Variants in TIAM1 observed in about 807,000 individuals in gnomAD.
The protein encoded by TIAM1 is rho guanine nucleotide exchange factor TIAM1.
In TIAM1, 65 loss-of-function variants were observed where a neutral mutation model predicts 163.5. The observed-to-expected ratio is 0.40, with a 90% CI of 0.33 to 0.49. The LOEUF (loss-of-function observed/expected upper bound fraction) is 0.49. Ranked by LOEUF, TIAM1 falls within the 20% of genes least tolerant of loss-of-function variation. The probability of loss-of-function intolerance (pLI) is 0.77; values close to 1 mark genes in which losing one functional copy is unlikely to be tolerated. For missense variants in TIAM1, 1,789 were observed against 2,044.7 expected, an observed-to-expected ratio of 0.87 and a Z score of 2.41; for synonymous variants, 833 against 810.1, an observed-to-expected ratio of 1.03 and a Z score of -0.48.
intron 15 of TIAM1, among the ~76,000 whole-genome samples, chr21:31,166,947 C>A (rs549629935): frequency 4.6e-5 from 7 of 152,296 alleles, no homozygotes; most frequent in African/African-American, 1.7e-4. Context: ...ACACTGTGGT[C>A]TGCAGAATCA....
At chr21:31,489,580 C>G (rs767369914) in intron 1 of TIAM1, among the ~76,000 whole-genome samples, 25 of 151,842 alleles carry the variant, frequency 1.6e-4, no homozygotes, top group Non-Finnish European at 2.5e-4. Flanking sequence ...GACCCCCCCC[C>G]CCTTGGCAGA....
chr21:31,368,758 A>AG (rs2076541478), intron 2 of TIAM1, among the ~76,000 whole-genome samples: 1 of 152,202 alleles, frequency 6.6e-6, no homozygotes, highest in Non-Finnish European at 1.5e-5. Flanking sequence ...GAGTAGCAGC[A>AG]GGGGGAAATA....
At chr21:31,275,756 C>A (rs1368888534) in intron 3 of TIAM1, among the ~76,000 whole-genome samples, 1 of 152,144 alleles carries the variant, frequency 6.6e-6, no homozygotes, top group Non-Finnish European at 1.5e-5. Flanking sequence ...ATACATAAAA[C>A]CTTAGATCTC....
intron 2 of TIAM1, among the ~76,000 whole-genome samples, chr21:31,420,626 G>A (rs1269728933): frequency 6.6e-6 from 1 of 152,172 alleles, no homozygotes; most frequent in Non-Finnish European, 1.5e-5. Context: ...GTTAGTGTTG[G>A]ATGTGGTTTT....
At chr21:31,321,143 G>A (rs988271189) in intron 2 of TIAM1, among the ~76,000 whole-genome samples, 19 of 151,928 alleles carry the variant, frequency 1.3e-4, no homozygotes, top group Non-Finnish European at 2.2e-4. Flanking sequence ...CAGAAAGAAG[G>A]GGGCGGGGGG....
intron 3 of TIAM1, among the ~76,000 whole-genome samples, chr21:31,267,590 G>C (rs550800460): frequency 2.0e-4 from 30 of 148,224 alleles, no homozygotes; most frequent in South Asian, 1.1e-3. Context: ...AAACCTCAAG[G>C]TGTAAGTCTG....
intron 13 of TIAM1, among the ~76,000 whole-genome samples, chr21:31,190,151 T>C (rs2146473827): frequency 6.6e-6 from 1 of 152,220 alleles, no homozygotes; most frequent in East Asian, 1.9e-4. Context: ...ATGCCTATAA[T>C]CCCAGCACTC....
intron 2 of TIAM1, among the ~76,000 whole-genome samples, chr21:31,396,054 CTT>C (rs1389709720): frequency 6.6e-6 from 1 of 152,156 alleles, no homozygotes; most frequent in East Asian, 1.9e-4. Flanking sequence ...TAGAGGAAGT[CTT>C]ATAATTACAG....
chr21:31,129,371 A>G (rs2833288), intron 25 of TIAM1, among the ~76,000 whole-genome samples: 5 of 152,200 alleles, frequency 3.3e-5, no homozygotes, highest in African/African-American at 1.2e-4. Context: ...TGCTATGTGG[A>G]TCACAGAAAA....
At chr21:31,155,043 C>G (rs549089208) in intron 16 of TIAM1, among the ~76,000 whole-genome samples, 2 of 152,276 alleles carry the variant, frequency 1.3e-5, no homozygotes, top group East Asian at 3.9e-4. Flanking sequence ...TCTCCAAAGG[C>G]AAAAAGATAC....
At chr21:31,164,576 G>A (rs1054309891) in intron 16 of TIAM1, among the ~76,000 whole-genome samples, 6 of 152,078 alleles carry the variant, frequency 3.9e-5, no homozygotes, top group Admixed American at 6.5e-5. Context: ...TTCAAAAGGA[G>A]TTCATTACAG....
chr21:31,312,603 T>C (rs1222852014), intron 2 of TIAM1, among the ~76,000 whole-genome samples: 1 of 152,128 alleles, frequency 6.6e-6, no homozygotes, highest in East Asian at 1.9e-4. Context: ...AGGAAAAAAA[T>C]CTGAGCCTTA....
intron 1 of TIAM1, among the ~76,000 whole-genome samples, chr21:31,465,392 TA>T (rs2045485964): frequency 6.6e-6 from 1 of 151,588 alleles, no homozygotes. Flanking sequence ...TATGCTTGGT[TA>T]AAAGCTAATA....
chr21:31,276,539 CTGTTT>C (rs1822870179), intron 3 of TIAM1, among the ~76,000 whole-genome samples, 188 bp downstream of exon 3: 2 of 152,180 alleles, frequency 1.3e-5, no homozygotes, highest in South Asian at 4.1e-4. Flanking sequence ...TTTGTCTTTT[CTGTTT>C]TGTTTTAACG....
chr21:31,407,781 G>A lies in TIAM1; in HGVS notation c.-369+56202C>T, dbSNP rs1229829955. On this transcript the variant is annotated intron_variant, in intron 2 of 28. Transcript: ENST00000286827. ...CTCCAGAGTAGCTGATATTACAGGC[G>A]CCCGCCACCACGCCTGGGTAATTTT... Among the ~76,000 whole-genome samples the A allele has an allele frequency of 7.2e-5, 11 of 151,886 alleles. No individual in the cohort carries two copies. In the East Asian group the frequency reaches 1.7e-3, roughly 24 times the overall value.
chr21:31,498,951 G>GAAAGA (rs56784582), intron 1 of TIAM1, among the ~76,000 whole-genome samples: 4 of 106,436 alleles, frequency 3.8e-5, no homozygotes, highest in Admixed American at 2.8e-4. Flanking sequence ...ATCAAAAGAA[G>GAAAGA]AAAGAAAAGA....
chr21:31,302,971 G>T (rs1395382802), intron 2 of TIAM1, among the ~76,000 whole-genome samples: 3 of 152,102 alleles, frequency 2.0e-5, no homozygotes, highest in Non-Finnish European at 2.9e-5. Flanking sequence ...TTCCTAATCA[G>T]CTGCAACCAT....
intron 6 of TIAM1, among the ~76,000 whole-genome samples, chr21:31,240,665 C>A (rs1324933498): frequency 2.6e-5 from 4 of 152,208 alleles, no homozygotes; most frequent in African/African-American, 9.6e-5. Flanking sequence ...CTCATTCATG[C>A]AAACACTCTT....
Position 31,400,462 on chromosome 21 carries a change from C to T in TIAM1, c.-368-61040G>A, listed in dbSNP as rs139074713. On this transcript the variant is annotated intron_variant, in intron 2 of 28. Transcript: ENST00000286827. ...ACACTTTCTGATTTATAAATTAGAG[C>T]AGTGGCAGCACATGCTGAAATATAC... Among the ~76,000 whole-genome samples, 250 of 152,172 alleles carry T rather than the reference C, an allele frequency of 1.6e-3. 3 individuals carry two copies. Among genetic ancestry groups the T allele is most frequent in the African/African-American group, 5.4e-3 (225 of 41,540 alleles).
Sources: allele counts gnomAD v4.1 joint callset (sites outside exome capture counted in the v4.1 genomes callset), GRCh38; gene constraint gnomAD v4.1.1; transcripts MANE v1.5; gene names NCBI Gene and HGNC (gene_info 2026-07-23, HGNC 2026-07-21).